FSHR: variants seen among roughly 807,000 people sequenced by gnomAD.
FSHR encodes follicle-stimulating hormone receptor.
Under a neutral mutation model 52.1 loss-of-function variants are expected in FSHR, and 46 were observed. That is an observed-to-expected ratio of 0.88 (90% confidence interval 0.70 to 1.13). The LOEUF (loss-of-function observed/expected upper bound fraction) is 1.13, where lower values mean the gene tolerates loss of function less well. FSHR is among the 50% of genes most tolerant of loss of function. FSHR has a pLI of 0.00. For missense variants in FSHR, 964 were observed against 834.6 expected (o/e 1.16, Z -1.91); for synonymous variants, 399 against 309.6 (o/e 1.29, Z -3.03).
At chr2:49,151,582 A>G (rs1196206557) in intron 1 of FSHR, among the ~76,000 whole-genome samples, 1 of 152,142 alleles carries the variant, frequency 6.6e-6, no homozygotes, top group African/African-American at 2.4e-5. Context: ...ATAAAAATGT[A>G]CATAGTAAAA....
At chr2:49,084,312 A>G (rs928516110) in intron 1 of FSHR, among the ~76,000 whole-genome samples, 3 of 152,152 alleles carry the variant, frequency 2.0e-5, no homozygotes, top group Non-Finnish European at 2.9e-5. Flanking sequence ...ACAAAGACAC[A>G]ACATACCAGA....
At chr2:49,145,477 C>T (rs1672837752) in intron 1 of FSHR, among the ~76,000 whole-genome samples, 1 of 152,122 alleles carries the variant, frequency 6.6e-6, no homozygotes, top group Non-Finnish European at 1.5e-5. Flanking sequence ...GAAGGCAAAT[C>T]TAGATGGGAC....
At chr2:48,992,841 G>A (rs961054303) in intron 4 of FSHR, among the ~76,000 whole-genome samples, 3 of 151,966 alleles carry the variant, frequency 2.0e-5, no homozygotes, top group African/African-American at 7.3e-5. Context: ...ATATCCCATC[G>A]ATCTTCAACC....
At chr2:49,013,213 G>A (rs544504048) in intron 4 of FSHR, among the ~76,000 whole-genome samples, 4 of 151,308 alleles carry the variant, frequency 2.6e-5, no homozygotes, top group Non-Finnish European at 2.9e-5. Context: ...AACCAAATTG[G>A]CCAGTACCTC....
At chr2:49,125,643 A>G (rs1671970792) in intron 1 of FSHR, among the ~76,000 whole-genome samples, 1 of 152,232 alleles carries the variant, frequency 6.6e-6, no homozygotes, top group Non-Finnish European at 1.5e-5. Context: ...GATGATATAC[A>G]GTCTCTGCTT....
chr2:49,006,703 C>T (rs1667087423), intron 4 of FSHR, among the ~76,000 whole-genome samples: 1 of 152,126 alleles, frequency 6.6e-6, no homozygotes, highest in Admixed American at 6.6e-5. Flanking sequence ...TGCCACACAG[C>T]TCTACAGAGG....
intron 1 of FSHR, among the ~76,000 whole-genome samples, chr2:49,069,378 A>C (rs1018817097): frequency 3.9e-5 from 6 of 152,120 alleles, no homozygotes; most frequent in African/African-American, 1.4e-4. Context: ...CTCAAATGTT[A>C]CCATTTCAGT....
intron 2 of FSHR, 121 bp from the exon 3 acceptor site, chr2:49,020,281 C>T: frequency 1.2e-6 from 1 of 847,958 alleles, no homozygotes; most frequent in Non-Finnish European, 2.0e-6. Context: ...TCCTTTCCTG[C>T]CATTAAAGAA....
intron 2 of FSHR, among the ~76,000 whole-genome samples, chr2:49,067,885 G>C (rs1311019631): frequency 6.6e-6 from 1 of 151,956 alleles, no homozygotes; most frequent in African/African-American, 2.4e-5. Context: ...ATAAATGGTA[G>C]AAAGTATCTC....
chr2:49,148,195 A>C (rs984273877), intron 1 of FSHR, among the ~76,000 whole-genome samples: 10 of 151,992 alleles, frequency 6.6e-5, no homozygotes, highest in African/African-American at 2.4e-4. Context: ...AGTCAAGAGA[A>C]TTGAATGATG....
intron 1 of FSHR, among the ~76,000 whole-genome samples, chr2:49,132,968 TAAAAAAAAAA>T (rs34913428): frequency 1.6e-4 from 8 of 48,650 alleles, no homozygotes; most frequent in South Asian, 8.6e-4. Context: ...TAAAACTCAG[TAAAAAAAAAA>T]AAAAAAAAAA....
chr2:49,049,850 T>A (rs910730475), intron 2 of FSHR, among the ~76,000 whole-genome samples: 1 of 134,550 alleles, frequency 7.4e-6, no homozygotes, highest in Non-Finnish European at 1.6e-5. Context: ...TATATATATA[T>A]AATAAAAACC....
At chr2:49,077,561 G>A (rs545777377) in intron 1 of FSHR, among the ~76,000 whole-genome samples, 2 of 152,090 alleles carry the variant, frequency 1.3e-5, no homozygotes, top group African/African-American at 4.8e-5. Context: ...TGTTACTTAC[G>A]CAAATTTACG....
At chr2:48,969,514 T>G (rs941682680) in intron 8 of FSHR, among the ~76,000 whole-genome samples, 5 of 152,174 alleles carry the variant, frequency 3.3e-5, no homozygotes, top group African/African-American at 1.2e-4. Flanking sequence ...ATGTCACTTC[T>G]CCATGTTTCA....
chr2:49,082,705 C>T (rs562843437), intron 1 of FSHR, among the ~76,000 whole-genome samples: 1,751 of 152,138 alleles, frequency 0.012, 36 homozygotes, highest in African/African-American at 0.04. Flanking sequence ...AATGCAGAAG[C>T]CTCAGGAGCC....
intron 1 of FSHR, among the ~76,000 whole-genome samples, chr2:49,136,630 G>A (rs1558461908): frequency 6.6e-6 from 1 of 151,972 alleles, no homozygotes; most frequent in East Asian, 1.9e-4. Context: ...CTTGAAAACT[G>A]AATCTAGCAA....
intron 1 of FSHR, among the ~76,000 whole-genome samples, chr2:49,089,493 A>G (rs1670518848): frequency 6.6e-6 from 1 of 152,216 alleles, no homozygotes; most frequent in South Asian, 2.1e-4. Context: ...TGGTAAAAAT[A>G]AATAGCATTG....
chr2:49,002,311 C>G (rs1335814461), intron 4 of FSHR, among the ~76,000 whole-genome samples: 1 of 152,166 alleles, frequency 6.6e-6, no homozygotes, highest in Non-Finnish European at 1.5e-5. Context: ...CTTGCCCCTT[C>G]CTTCCTCTTC....
At chr2:49,105,014 T>G (rs1381127043) in intron 1 of FSHR, among the ~76,000 whole-genome samples, 1 of 152,032 alleles carries the variant, frequency 6.6e-6, no homozygotes, top group African/African-American at 2.4e-5. Flanking sequence ...CTCTTTTGAG[T>G]TGAGAAATCC....
Sources: allele counts gnomAD v4.1 joint callset (sites outside exome capture counted in the v4.1 genomes callset), GRCh38; gene constraint gnomAD v4.1.1; transcripts MANE v1.5; gene names NCBI Gene and HGNC (gene_info 2026-07-23, HGNC 2026-07-21).